SON: variants seen among roughly 807,000 people sequenced by gnomAD.
SON encodes protein SON.
A neutral mutation model predicts 173.3 loss-of-function variants in SON; 4 were observed. That is an observed-to-expected ratio of 0.02 (90% confidence interval 0.01 to 0.05). SON has a LOEUF of 0.05. Ranked by LOEUF, SON falls within the 10% of genes least tolerant of loss-of-function variation. SON has a pLI of 1.00. For synonymous variants in SON, 1,190 were observed against 1,105.9 expected (o/e 1.08, Z -1.51); for missense variants, 2,626 against 3,055.3 (o/e 0.86, Z 3.31).
At chr21:33,575,138 C>T (rs950402449) in intron 9 of SON, among the ~76,000 whole-genome samples, 5 of 152,058 alleles carry the variant, frequency 3.3e-5, no homozygotes, top group African/African-American at 9.7e-5. Context: ...CAGGTTCAAG[C>T]GATTCTCCTG....
chr21:33,555,630 GTTTTA>G (rs939770132), intron 3 of SON, among the ~76,000 whole-genome samples: 4 of 152,154 alleles, frequency 2.6e-5, no homozygotes, highest in Admixed American at 6.5e-5. Context: ...ATATTTGAAT[GTTTTA>G]TTTTGTTTTA....
chr21:33,575,970 C>T (rs1284319131), intron 11 of SON, 77 bp downstream of exon 11: 7 of 718,122 alleles, frequency 9.7e-6, no homozygotes, highest in African/African-American at 1.8e-5. Context: ...AACATGATCA[C>T]AGGATTAAGA....
At chr21:33,545,877 A>T (rs1182709993) in intron 1 of SON, among the ~76,000 whole-genome samples, 4 of 152,192 alleles carry the variant, frequency 2.6e-5, no homozygotes, top group Non-Finnish European at 5.9e-5. Flanking sequence ...TTGATTTGTG[A>T]CCGGGCTCTT....
At chr21:33,547,271 C>T (rs1300849074) in intron 2 of SON, among the ~76,000 whole-genome samples, 6 of 152,004 alleles carry the variant, frequency 3.9e-5, no homozygotes, top group Non-Finnish European at 7.4e-5. Context: ...CGTGAGCCAC[C>T]GCGCCCGGCT....
chr21:33,562,425 TTTG>T, intron 6 of SON, among the ~76,000 whole-genome samples: 1 of 152,286 alleles, frequency 6.6e-6, no homozygotes, highest in African/African-American at 2.4e-5. Context: ...TTTGTGGTTC[TTTG>T]TTGTTGAGCA....
At chr21:33,547,705 CTTTTTTTTTTTTT>C (rs928851742) in intron 2 of SON, among the ~76,000 whole-genome samples, 11 of 71,026 alleles carry the variant, frequency 1.5e-4, no homozygotes, top group South Asian at 1.0e-3. Flanking sequence ...CTTCTGTAGT[CTTTTTTTTTTTTT>C]TTTTTTTTTT....
chr21:33,560,695 A>C (rs896114492), intron 6 of SON: 14 of 793,062 alleles, frequency 1.8e-5, no homozygotes, highest in African/African-American at 9.4e-5. Flanking sequence ...CGCTTGGGGG[A>C]TGTGGGAGGG....
In SON at chr21:33,546,324, G is replaced by A; in HGVS notation, c.189G>A (p.Gln63=). 1 of 1,613,546 alleles carries A rather than the reference G, an allele frequency of 6.2e-7. No homozygotes were observed. The highest frequency in any genetic ancestry group is 8.5e-7 in the Non-Finnish European group (1 of 1,179,718). ...GTCTACCAAATGAAGAAATAGTGCA[G>A]AAGATAGAGGAAGTACTTTCTGGGG... ...ARSLPNEEIV[Q]KIEEVLSGVL... is the part of the protein sequence containing the mutation. The change falls in exon 2 of 12, where the codon CAG becomes CAA. Residue 63 remains glutamine, a synonymous_variant. Coordinates refer to ENST00000356577, the MANE Select transcript of SON (RefSeq NM_138927.4).
chr21:33,569,607 C>T (rs924748614), intron 8 of SON: 5 of 464,650 alleles, frequency 1.1e-5, no homozygotes, highest in Non-Finnish European at 2.2e-5. Flanking sequence ...TCTCTTGGCC[C>T]CCGTTCCTCA....
rs2145835322 is a variant in SON, at chr21:33,554,075, C to T, written c.4844C>T (p.Thr1615Ile). 2 of 1,614,036 alleles carry T rather than the reference C, an allele frequency of 1.2e-6. No individual in the cohort carries two copies. The highest frequency in any genetic ancestry group is 8.5e-7 in the Non-Finnish European group (1 of 1,179,954). The change falls in exon 3 of 12, where the codon ACC becomes ATC. Residue 1615 changes from threonine (T) to isoleucine (I), a missense_variant. By Grantham distance (89) the Thr-to-Ile change is moderately conservative. Around this residue, in one of 13 missense-constraint regions of SON, gnomAD observed 1,006 missense variants for 895.6 expected, o/e 1.12. Coordinates refer to ENST00000356577, the MANE Select transcript of SON (RefSeq NM_138927.4). The part of the protein sequence containing the change: ...ATGTSKGIEF[T>I]TASTLSLVNK... ...GGAACTAGTAAGGGTATTGAATTTACCACAGCATCTACTCTCAGTTTAGTT... is the reference window on the plus strand; with the variant it reads ...GGAACTAGTAAGGGTATTGAATTTATCACAGCATCTACTCTCAGTTTAGTT...
In SON at chr21:33,559,313, A is replaced by G. The variant is rs572832995; in HGVS notation, c.6405A>G (p.Glu2135=). ...KPHVSDEEEE[E]PPFYHHPFKL... Reference sequence around the variant, plus strand: ...ATGTTTCGGATGAAGAGGAAGAAGAACCTCCTTTTTATCATCATCCCTTTA... The same window carrying G: ...ATGTTTCGGATGAAGAGGAAGAAGAGCCTCCTTTTTATCATCATCCCTTTA... The change falls in exon 5 of 12, where the codon GAA becomes GAG. Residue 2135 remains glutamate, a synonymous_variant. Transcript: ENST00000356577. The surrounding 1 kb of genome is among the most constrained non-coding windows in gnomAD (Gnocchi z 4.1). The G allele has an allele frequency of 6.2e-7, 1 of 1,612,408 alleles. No individual in the cohort carries two copies. Among genetic ancestry groups the G allele is most frequent in the Admixed American group, 1.7e-5 (1 of 59,830 alleles).
rs141883507 is a variant in SON at position 33,559,956 on chromosome 21, A to G, written c.6657+181A>G. 6.8e-6 allele frequency: 11 copies of G among 1,613,936 alleles called. No individual in the cohort carries two copies. The highest frequency in any genetic ancestry group is 8.5e-6 in the Non-Finnish European group (10 of 1,179,898). Reference sequence around the variant, plus strand: ...TCTCATTTGACAGTAACTCGATGCAATTCACTTTGTGGAACCAAGCCACAA... The same window carrying G: ...TCTCATTTGACAGTAACTCGATGCAGTTCACTTTGTGGAACCAAGCCACAA... On this transcript the variant is annotated intron_variant, in intron 6 of 11. Coordinates refer to ENST00000356577, the MANE Select transcript of SON (RefSeq NM_138927.4). The surrounding 1 kb of genome is among the most constrained non-coding windows in gnomAD (Gnocchi z 4.1).
intron 6 of SON, chr21:33,560,566 CTG>C (rs1178771922): frequency 9.3e-6 from 9 of 970,384 alleles, no homozygotes; most frequent in Middle Eastern, 5.3e-4. Context: ...AACAGCAAGA[CTG>C]TATATATATG....
Position 33,553,992 on chromosome 21 carries a change from T to C in SON, c.4761T>C (p.Ala1587=). The change falls in exon 3 of 12, where the codon GCT becomes GCC. Residue 1587 remains alanine, a synonymous_variant. Coordinates refer to ENST00000356577, the MANE Select transcript of SON (RefSeq NM_138927.4). ...ATACCTACCCTGGTGTTAGTGAAGCTGATGCAGGAGAAACTCTATCTTCTA... is the reference window on the plus strand; with the variant it reads ...ATACCTACCCTGGTGTTAGTGAAGCCGATGCAGGAGAAACTCTATCTTCTA... ...VLDTYPGVSE[A]DAGETLSSTG... The C allele has an allele frequency of 1.2e-6, 2 of 1,614,184 alleles. No individual in the cohort carries two copies. The highest frequency in any genetic ancestry group is 2.2e-5 in the East Asian group (1 of 44,886).
chr21:33,564,866 A>AG (rs987795115), intron 6 of SON, among the ~76,000 whole-genome samples: 8 of 151,604 alleles, frequency 5.3e-5, no homozygotes, highest in African/African-American at 9.7e-5. Flanking sequence ...CATCTCAAAA[A>AG]AAAAAAAAAA....
rs915275567 is a variant in SON at position 33,546,384 on chromosome 21, G to C, written c.244+5G>C. On this transcript the variant is annotated splice_donor_5th_base_variant and intron_variant, in intron 2 of 11. Coordinates refer to ENST00000356577, the MANE Select transcript of SON (RefSeq NM_138927.4). ...CAGAACTACGATATAAGCCAGGTAA[G>C]TTGGAGATAATTAACTGTCTCAAAA... The C allele has an allele frequency of 4.4e-6, 7 of 1,588,824 alleles. No individual in the cohort carries two copies. Among genetic ancestry groups the C allele is most frequent in the Non-Finnish European group, 5.1e-6 (6 of 1,173,014 alleles).
At position 33,552,942 on chromosome 21, in the gene SON, C is replaced by G. The variant is rs747202489; in HGVS notation, c.3711C>G (p.Pro1237=). ...ATTATTCAGTGTCAGCATCAGATCCCTCAGTTTTAGTATCAGAGGCTGCTG... is the reference window on the plus strand; with the variant it reads ...ATTATTCAGTGTCAGCATCAGATCCGTCAGTTTTAGTATCAGAGGCTGCTG... The part of the protein sequence containing the change: ...PTDYSVSASD[P]SVLVSEAAVT... Residue 1237 remains proline, a synonymous_variant, in exon 3 of 12, where the codon CCC becomes CCG. Transcript: ENST00000356577. The surrounding 1 kb of genome is among the most constrained non-coding windows in gnomAD (Gnocchi z 5.6). 1 of 1,614,166 alleles carries G rather than the reference C, an allele frequency of 6.2e-7. No individual in the cohort carries two copies. Among genetic ancestry groups the G allele is most frequent in the South Asian group, 1.1e-5 (1 of 91,084 alleles).
At chr21:33,549,379 A>G (rs1405897142) in intron 2 of SON, 97 bp from the exon 3 acceptor site, 8 of 1,039,474 alleles carry the variant, frequency 7.7e-6, no homozygotes, top group East Asian at 2.5e-5. Context: ...GGCCTGTACT[A>G]AGGTGTTTTA....
chr21:33,555,151 C>T lies in SON; in HGVS notation c.5920C>T (p.Pro1974Ser). 6.6e-7 allele frequency: 1 copy of T among 1,507,166 alleles called. No individual in the cohort carries two copies. The highest frequency in any genetic ancestry group is 2.7e-5 in the East Asian group (1 of 36,780). 93.4% of individuals were successfully genotyped at this position (1,507,166 alleles called of 1,614,324 possible). The stretch of plus-strand genomic sequence containing the variant: ...CACCCCCAGCCGCCGCAGCCGCACC[C>T]CCAGCCGCCGCAGCCGCACCCCCAG... ...SRTPSRRSRT[P>S]SRRSRTPSRR... The change falls in exon 3 of 12, where the codon CCC becomes TCC. Residue 1974 changes from proline to serine, a missense_variant. Pro to Ser is a moderately conservative substitution (Grantham distance 74, BLOSUM62 -1). This residue lies in a region of SON where 138 missense variants were observed against 222.9 expected (regional missense o/e 0.62). Coordinates refer to ENST00000356577, the MANE Select transcript of SON (RefSeq NM_138927.4).
Sources: allele counts gnomAD v4.1 joint callset (sites outside exome capture counted in the v4.1 genomes callset), GRCh38; gene constraint gnomAD v4.1.1; regional missense constraint gnomAD v4.1.1; non-coding constraint Gnocchi (gnomAD v3.1); transcripts MANE v1.5; gene names NCBI Gene and HGNC (gene_info 2026-07-23, HGNC 2026-07-21).